Variants in NOXO1 observed in about 807,000 individuals in gnomAD.
NOXO1 encodes NADPH oxidase regulatory protein.
In NOXO1, 38 loss-of-function variants were observed where a neutral mutation model predicts 33.3. The ratio of observed to expected loss-of-function variants is 1.14; its 90% confidence interval spans 0.88 to 1.50. NOXO1 has a LOEUF of 1.50. Ranked by LOEUF, NOXO1 falls within the 40% of genes most tolerant of loss-of-function variation. NOXO1 has a pLI of 0.00. For missense variants in NOXO1, 675 were observed against 527.1 expected (o/e 1.28, Z -2.75); for synonymous variants, 302 against 237.3 (o/e 1.27, Z -2.51).
At chr16:1,980,840 G>T (rs2083493646) in intron 2 of NOXO1, 99 bp downstream of exon 2, 1 of 1,464,828 alleles carries the variant, frequency 6.8e-7, no homozygotes, top group Non-Finnish European at 9.4e-7. Flanking sequence ...CAGGGACGAA[G>T]GGCCTCCAGT....
chr16:1,980,320 AGCTCCAAACGCC>A lies in NOXO1; in HGVS notation c.401+35_401+46del, dbSNP rs765734119. 49 of 1,573,800 alleles carry A rather than the reference AGCTCCAAACGCC, an allele frequency of 3.1e-5. No individual in the cohort carries two copies. The African/African-American group carries it at 5.9e-4, about 19-fold the overall frequency. ...TTCCCCCCCACCCTGGACCTCTCCC[AGCTCCAAACGCC>A]GCTGCATGCTGGGAGTTTGGGGCGA... On this transcript the variant is annotated intron_variant, in intron 4 of 7. Transcript: ENST00000356120.
At position 1,980,951 on chromosome 16, in the gene NOXO1, G is replaced by A. The variant is rs868846058; in HGVS notation, c.135C>T (p.Phe45=). Residue 45 remains phenylalanine (F), a synonymous_variant, in exon 2 of 8, where the codon TTC becomes TTT. Transcript: ENST00000356120. ...DTFVRRSWDE[F]RQLKKTLKET... ...CAGGGTCACTCACCTTGAGCTGCCT[G>A]AATTCGTCCCAACTCCTGCGCACGA... is the stretch of plus-strand genomic sequence containing the variant. 6.2e-7 allele frequency: 1 copy of A among 1,612,794 alleles called. No individual in the cohort carries two copies. Among genetic ancestry groups the A allele is most frequent in the Admixed American group, 1.7e-5 (1 of 60,020 alleles).
rs1207991713 is a variant in NOXO1, at chr16:1,979,808, G to A, written c.682C>T (p.Pro228Ser). 1 of 1,559,524 alleles carries A rather than the reference G, an allele frequency of 6.4e-7. No homozygotes were observed. The highest frequency in any genetic ancestry group is 1.2e-5 in the South Asian group (1 of 85,422). ...AAPGQGREGGPSLGSSGPQFC... is the reference protein window; with the variant it reads ...AAPGQGREGGSSLGSSGPQFC... ...CGCATACCGCTGCTCCCTAGGGACGGGCCTCCCTCCCGGCCTTGGCCCGGG... is the reference window on the plus strand; with the variant it reads ...CGCATACCGCTGCTCCCTAGGGACGAGCCTCCCTCCCGGCCTTGGCCCGGG... Residue 228 changes from proline to serine, a missense_variant, in exon 6 of 8, where the codon CCG (proline) becomes TCG (serine). Pro to Ser is a moderately conservative substitution (Grantham distance 74). Coordinates refer to ENST00000356120, the MANE Select transcript of NOXO1 (RefSeq NM_172167.3).
chr16:1,980,967 C>T lies in NOXO1; in HGVS notation c.119G>A (p.Arg40Lys), dbSNP rs1196275176. 1 of 1,613,024 alleles carries T rather than the reference C, an allele frequency of 6.2e-7. No homozygotes were observed. The highest frequency in any genetic ancestry group is 1.3e-5 in the African/African-American group (1 of 74,936). ...WSDGSDTFVRRSWDEFRQLKK... is the reference protein window; with the variant it reads ...WSDGSDTFVRKSWDEFRQLKK... Reference sequence around the variant, plus strand: ...GAGCTGCCTGAATTCGTCCCAACTCCTGCGCACGAAGGTGTCGCTGCCGTC... The same window carrying T: ...GAGCTGCCTGAATTCGTCCCAACTCTTGCGCACGAAGGTGTCGCTGCCGTC... Residue 40 changes from arginine (R) to lysine (K), a missense_variant, in exon 2 of 8, where the codon AGG (arginine) becomes AAG (lysine). Arg to Lys is a conservative substitution (Grantham distance 26, BLOSUM62 2). Transcript: ENST00000356120.
At position 1,979,194 on chromosome 16, in the gene NOXO1, G is replaced by A; in HGVS notation, c.974C>T (p.Thr325Ile). ...GCCCGGCGAAGGTCGGGTGGGCACG[G>A]TGGGGGGAGGGGCGGTGGCCTGGGA... ...EPSQATAPPP[T>I]VPTRPSPGAI... Residue 325 changes from threonine to isoleucine, a missense_variant, in exon 8 of 8, where the codon ACC (threonine) becomes ATC (isoleucine). Transcript: ENST00000356120. 2 of 1,462,658 alleles carry A rather than the reference G, an allele frequency of 1.4e-6. No individual in the cohort carries two copies. Among genetic ancestry groups the A allele is most frequent in the Non-Finnish European group, 9.0e-7 (1 of 1,115,322 alleles). 90.6% of individuals were successfully genotyped at this position (1,462,658 alleles called of 1,614,324 possible).
Position 1,978,960 on chromosome 16 carries a change from C to T in NOXO1, c.*92G>A. On this transcript the variant is annotated 3_prime_UTR_variant, in exon 8 of 8. Transcript: ENST00000356120. ...ACTCAGAGGAACAGCAAATGGCCCC[C>T]TCCCATCCCTGCTGGCCAGGGAGAT... is the stretch of plus-strand genomic sequence containing the variant. 3 of 1,297,914 alleles carry T rather than the reference C, an allele frequency of 2.3e-6. No homozygotes were observed. The highest frequency in any genetic ancestry group is 2.5e-5 in the East Asian group (1 of 39,340). 80.4% of individuals were successfully genotyped at this position (1,297,914 alleles called of 1,614,324 possible).
At chr16:1,979,927 A>C in intron 5 of NOXO1, 24 bp from the exon 6 acceptor site, 1 of 1,576,616 alleles carries the variant, frequency 6.3e-7, no homozygotes, top group Non-Finnish European at 8.6e-7. Context: ...GCGGGCAGGG[A>C]CTCAAATCTC....
Position 1,981,199 on chromosome 16 carries a change from C to A in NOXO1, c.-20G>T. Reference sequence around the variant, plus strand: ...TGCCATGGCTGTGGCTTCCAGGCTGCAGATTCCTGAAATGGGCGAGGACCC... The same window carrying A: ...TGCCATGGCTGTGGCTTCCAGGCTGAAGATTCCTGAAATGGGCGAGGACCC... On this transcript the variant is annotated 5_prime_UTR_variant, in exon 1 of 8. Transcript: ENST00000356120. The A allele has an allele frequency of 6.2e-7, 1 of 1,613,392 alleles. No individual in the cohort carries two copies. The highest frequency in any genetic ancestry group is 1.1e-5 in the South Asian group (1 of 91,074).
chr16:1,980,127 G>T lies in NOXO1; in HGVS notation c.456C>A (p.Arg152=). The change falls in exon 5 of 8, where the codon CGC becomes CGA. Residue 152 remains arginine, a synonymous_variant. Transcript: ENST00000356120. ...EEQPLSRAAG[R]LSIHSLEAQS... ...GAGCCTCCAGACTGTGGATGGAGAG[G>T]CGGCCCGCAGCGCGAGAAAGAGGCT... 5 of 1,606,596 alleles carry T rather than the reference G, an allele frequency of 3.1e-6. No homozygotes were observed. Among genetic ancestry groups the T allele is most frequent in the Non-Finnish European group, 4.2e-6 (5 of 1,178,528 alleles).
At position 1,981,001 on chromosome 16, in the gene NOXO1, G is replaced by T; in HGVS notation, c.85C>A (p.Arg29Ser). ...KRLQTFAFSV[R>S]WSDGSDTFVR... ...AAGGTGTCGCTGCCGTCTGACCAGCGCACAGAGAAGGCAAACGTCTGGGGG... is the reference window on the plus strand; with the variant it reads ...AAGGTGTCGCTGCCGTCTGACCAGCTCACAGAGAAGGCAAACGTCTGGGGG... Residue 29 changes from arginine to serine, a missense_variant, in exon 2 of 8, where the codon CGC (arginine) becomes AGC (serine). Coordinates refer to ENST00000356120, the MANE Select transcript of NOXO1 (RefSeq NM_172167.3). 1.2e-6 allele frequency: 2 copies of T among 1,613,270 alleles called. No individual in the cohort carries two copies. The highest frequency in any genetic ancestry group is 1.1e-5 in the South Asian group (1 of 91,088).
chr16:1,980,507 G>A lies in NOXO1; in HGVS notation c.261C>T (p.Arg87=), dbSNP rs114816276. 828 of 1,603,032 alleles carry A rather than the reference G, an allele frequency of 5.2e-4. 7 individuals are homozygous for A. In the African/African-American group the frequency reaches 0.01, roughly 20 times the overall value. Residue 87 remains arginine, a synonymous_variant, in exon 4 of 8, where the codon CGC becomes CGT. Coordinates refer to ENST00000356120, the MANE Select transcript of NOXO1 (RefSeq NM_172167.3). ...CCAACAGCTGCAGGCGCGCCAGGCC[G>A]CGGCTCGTGCGCCCCACGCGTCCCA... is the stretch of plus-strand genomic sequence containing the variant. ...PLLGRVGRTS[R]GLARLQLLET...
Position 1,979,263 on chromosome 16 carries a change from C to G in NOXO1, c.905G>C (p.Gly302Ala), listed in dbSNP as rs770391779. 1.1e-5 allele frequency: 17 copies of G among 1,537,632 alleles called. No individual in the cohort carries two copies. Among genetic ancestry groups the G allele is most frequent in the Non-Finnish European group, 6.1e-6 (7 of 1,149,292 alleles). The change falls in exon 8 of 8, where the codon GGA (glycine) becomes GCA (alanine). Residue 302 changes from glycine to alanine, a missense_variant. Coordinates refer to ENST00000356120, the MANE Select transcript of NOXO1 (RefSeq NM_172167.3). ...GGCCTCACCCGCCGGGTCGTCTCCT[C>G]CACGGAACCCCGTCCCGCTCAGGAG... ...GALLSGTGFR[G>A]GDDPAGEARG...
chr16:1,979,945 C>T lies in NOXO1; in HGVS notation c.587-42G>A, dbSNP rs370166001. On this transcript the variant is annotated intron_variant, in intron 5 of 7. Coordinates refer to ENST00000356120, the MANE Select transcript of NOXO1 (RefSeq NM_172167.3). ...GGCAGGGACTCAAATCTCGAGGCTCCCTCGGGTCCAGGAGCAGAGGAGCAA... is the reference window on the plus strand; with the variant it reads ...GGCAGGGACTCAAATCTCGAGGCTCTCTCGGGTCCAGGAGCAGAGGAGCAA... 1.6e-5 allele frequency: 25 copies of T among 1,578,134 alleles called. No homozygotes were observed. In the African/African-American group the frequency reaches 3.1e-4, roughly 20 times the overall value.
rs148232934 is a variant in NOXO1 at position 1,980,260 on chromosome 16, C to T, written c.402-79G>A. ...TGGGGGCGCCACCCCGGCAAGACCG[C>T]CAGCCTCCCACTCTCTGCCCCTATT... On this transcript the variant is annotated intron_variant, in intron 4 of 7. Coordinates refer to ENST00000356120, the MANE Select transcript of NOXO1 (RefSeq NM_172167.3). The T allele has an allele frequency of 1.1e-3, 1,666 of 1,519,610 alleles. 34 individuals carry two copies. The East Asian group carries it at 0.032, about 29-fold the overall frequency. 94.1% of individuals were successfully genotyped at this position (1,519,610 alleles called of 1,614,324 possible). A position where few individuals can be genotyped will look rare whatever the true frequency, so the allele number is the denominator to read the frequency against.
chr16:1,979,922 C>T lies in NOXO1; in HGVS notation c.587-19G>A, dbSNP rs2083464003. ...CACCAGCCTGTGCGCAAGAAGCGGGCAGGGACTCAAATCTCGAGGCTCCCT... is the reference window on the plus strand; with the variant it reads ...CACCAGCCTGTGCGCAAGAAGCGGGTAGGGACTCAAATCTCGAGGCTCCCT... On this transcript the variant is annotated intron_variant, in intron 5 of 7. Coordinates refer to ENST00000356120, the MANE Select transcript of NOXO1 (RefSeq NM_172167.3). 2 of 1,577,016 alleles carry T rather than the reference C, an allele frequency of 1.3e-6. No homozygotes were observed. The highest frequency in any genetic ancestry group is 1.3e-5 in the African/African-American group (1 of 74,100).
chr16:1,981,270 C>T lies in NOXO1; in HGVS notation c.-91G>A. On this transcript the variant is annotated 5_prime_UTR_variant, in exon 1 of 8. Transcript: ENST00000356120. ...GAGGGCTCTGGGGGACCCAGAAAAC[C>T]CCCTGGGATAGAATCCTGGCAACAC... The T allele has an allele frequency of 1.3e-6, 2 of 1,568,706 alleles. No individual in the cohort carries two copies. Among genetic ancestry groups the T allele is most frequent in the Non-Finnish European group, 1.7e-6 (2 of 1,158,802 alleles).
chr16:1,980,173 A>G lies in NOXO1; in HGVS notation c.410T>C (p.Ile137Thr), dbSNP rs1178452179. 2 of 1,600,002 alleles carry G rather than the reference A, an allele frequency of 1.3e-6. No homozygotes were observed. The highest frequency in any genetic ancestry group is 3.4e-5 in the Admixed American group (2 of 58,052). ...EPALPPGSRV[I>T]LPTPEEQPLS... Reference sequence around the variant, plus strand: ...AGGCTGCTCCTCTGGGGTGGGCAGGATCACCCGGCTGGGAAGGGCAGCCCG... The same window carrying G: ...AGGCTGCTCCTCTGGGGTGGGCAGGGTCACCCGGCTGGGAAGGGCAGCCCG... The change falls in exon 5 of 8, where the codon ATC (isoleucine) becomes ACC (threonine). Residue 137 changes from isoleucine (I) to threonine (T), a missense_variant. Physicochemically the swap from Ile to Thr is moderately conservative, Grantham distance 89. Coordinates refer to ENST00000356120, the MANE Select transcript of NOXO1 (RefSeq NM_172167.3).
Position 1,980,539 on chromosome 16 carries a change from G to A in NOXO1, c.229C>T (p.Pro77Ser), listed in dbSNP as rs1384072360. 1 of 1,603,722 alleles carries A rather than the reference G, an allele frequency of 6.2e-7. No individual in the cohort carries two copies. Among genetic ancestry groups the A allele is most frequent in the Non-Finnish European group, 8.5e-7 (1 of 1,177,812 alleles). ...DRVLPKLLDA[P>S]LLGRVGRTSR... ...GTGCGCCCCACGCGTCCCAACAGTG[G>A]TGCATCTTAAGGCACCACAAAAACG... Residue 77 changes from proline (P) to serine (S), a missense_variant, in exon 4 of 8, where the codon CCA becomes TCA. Pro to Ser is a moderately conservative substitution (Grantham distance 74). Transcript: ENST00000356120.
In NOXO1 at chr16:1,979,985, G is replaced by A; in HGVS notation, c.586+12C>T. 6.3e-7 allele frequency: 1 copy of A among 1,596,576 alleles called. No individual in the cohort carries two copies. The highest frequency in any genetic ancestry group is 8.5e-7 in the Non-Finnish European group (1 of 1,172,498). On this transcript the variant is annotated intron_variant, in intron 5 of 7. Coordinates refer to ENST00000356120, the MANE Select transcript of NOXO1 (RefSeq NM_172167.3). The stretch of plus-strand genomic sequence containing the variant: ...CAGAGGAGCAAATCCCTGGGTTCTT[G>A]GGGGGCCCTACCTGAGGGGTGCCGC...
Sources: allele counts gnomAD v4.1 joint callset, GRCh38; gene constraint gnomAD v4.1.1; transcripts MANE v1.5; gene names NCBI Gene and HGNC (gene_info 2026-07-23, HGNC 2026-07-21).